KLHL29: variants seen among roughly 807,000 people sequenced by gnomAD.
The protein encoded by KLHL29 is kelch like family member 29.
Under a neutral mutation model 80.4 loss-of-function variants are expected in KLHL29, and 21 were observed. The observed-to-expected ratio is 0.26, with a 90% confidence interval of 0.19 to 0.38. The LOEUF (loss-of-function observed/expected upper bound fraction) is 0.38. Among genes scored for constraint, KLHL29 ranks in the 10% least tolerant of loss-of-function variants. The pLI, the probability that KLHL29 is intolerant of heterozygous loss-of-function variation, is 1.00. For synonymous variants in KLHL29, 511 were observed against 526.8 expected (o/e 0.97, Z 0.41); for missense variants, 867 against 1,223.9 (o/e 0.71, Z 4.35).
chr2:23,419,925 A>G (rs1455228207), intron 1 of KLHL29, among the ~76,000 whole-genome samples: 2 of 152,024 alleles, frequency 1.3e-5, no homozygotes, highest in Non-Finnish European at 2.9e-5. Flanking sequence ...GGCTGACTTC[A>G]CCACTCCCTT....
intron 1 of KLHL29, among the ~76,000 whole-genome samples, chr2:23,436,655 G>A (rs1334208063): frequency 6.6e-6 from 1 of 152,220 alleles, no homozygotes; most frequent in East Asian, 1.9e-4. Flanking sequence ...GATTCTGAGG[G>A]TCTCAGGTCA....
chr2:23,690,228 G>C (rs981391901), intron 6 of KLHL29: 1 of 152,258 alleles, frequency 6.6e-6, no homozygotes, highest in Non-Finnish European at 1.5e-5. Context: ...GAGTCTCGTG[G>C]GAAGGGCATT....
chr2:23,508,383 G>T (rs1327609319), intron 2 of KLHL29, among the ~76,000 whole-genome samples: 3 of 152,254 alleles, frequency 2.0e-5, no homozygotes, highest in African/African-American at 4.8e-5. Context: ...ATGGCTGGCA[G>T]TAATGCTGCC....
At chr2:23,654,708 G>A (rs1423173710) in intron 5 of KLHL29, among the ~76,000 whole-genome samples, 5 of 79,626 alleles carry the variant, frequency 6.3e-5, no homozygotes, top group African/African-American at 1.7e-4. Flanking sequence ...GGGGGGGGGG[G>A]TGGATGTTTT....
intron 5 of KLHL29, among the ~76,000 whole-genome samples, chr2:23,656,734 A>AG (rs11455301): frequency 0.024 from 3,600 of 152,138 alleles, 146 homozygotes; most frequent in African/African-American, 0.08. Flanking sequence ...AGCTGGGCGG[A>AG]GGTGAGGTGG....
intron 8 of KLHL29, 46 bp downstream of exon 8, chr2:23,693,574 C>G: frequency 6.6e-7 from 1 of 1,526,178 alleles, no homozygotes; most frequent in Non-Finnish European, 8.9e-7. Context: ...GGTTTGGGGT[C>G]CCCCTGCGGC....
chr2:23,663,875 G>A (rs1670485858), intron 5 of KLHL29, among the ~76,000 whole-genome samples: 2 of 152,166 alleles, frequency 1.3e-5, no homozygotes, highest in Admixed American at 1.3e-4. Context: ...CGGACACATC[G>A]CTTGTCGGTG....
At chr2:23,418,471 G>T (rs1662669808) in intron 1 of KLHL29, among the ~76,000 whole-genome samples, 1 of 152,190 alleles carries the variant, frequency 6.6e-6, no homozygotes, top group Non-Finnish European at 1.5e-5. Flanking sequence ...CAGTGCTTTG[G>T]TTTTGAAATG....
intron 5 of KLHL29, among the ~76,000 whole-genome samples, chr2:23,649,013 G>A (rs547116245): frequency 6.6e-6 from 1 of 152,322 alleles, no homozygotes; most frequent in South Asian, 2.1e-4. Flanking sequence ...CCAGTGCCTG[G>A]CACGTAGTAG....
chr2:23,550,253 G>A (rs1294963973), intron 2 of KLHL29, among the ~76,000 whole-genome samples: 2 of 152,130 alleles, frequency 1.3e-5, no homozygotes, highest in Non-Finnish European at 2.9e-5. Flanking sequence ...GGCATGCCTG[G>A]GGAATTGCTT....
chr2:23,474,772 T>A (rs6711196), intron 1 of KLHL29, among the ~76,000 whole-genome samples: 2,744 of 152,264 alleles, frequency 0.018, 51 homozygotes, highest in Middle Eastern at 0.044. Flanking sequence ...TTTCCCCTGC[T>A]ACCCGGGACT....
chr2:23,479,717 AG>A (rs1664735093), intron 2 of KLHL29, among the ~76,000 whole-genome samples: 1 of 152,054 alleles, frequency 6.6e-6, no homozygotes, highest in Non-Finnish European at 1.5e-5. Context: ...TTGCTCTCCA[AG>A]GAAGCCTTGT....
intron 3 of KLHL29, among the ~76,000 whole-genome samples, chr2:23,583,124 G>C (rs1008178072): frequency 6.6e-6 from 1 of 152,222 alleles, no homozygotes; most frequent in African/African-American, 2.4e-5. Context: ...TCCAGAGGGG[G>C]TGTGGCCCTG....
chr2:23,699,573 T>G (rs1367326121), intron 11 of KLHL29, among the ~76,000 whole-genome samples: 1 of 152,198 alleles, frequency 6.6e-6, no homozygotes, highest in Non-Finnish European at 1.5e-5. Context: ...CTGCCTCCTG[T>G]TGTCCTTTCT....
rs570315772 is a variant in KLHL29, at chr2:23,472,002, T to G, written c.-153-3558T>G. Among the ~76,000 whole-genome samples the G allele has an allele frequency of 2.0e-5, 3 of 152,188 alleles. No homozygotes were observed. In the South Asian group the frequency reaches 6.2e-4, roughly 32 times the overall value. ...CATGCTTAGGTGCATGGATGTAGCT[T>G]ATAGGCCTCCCAGAAAGGACAATAA... On this transcript the variant is annotated intron_variant, in intron 1 of 13. Transcript: ENST00000486442.
chr2:23,405,746 A>G (rs927079914), intron 1 of KLHL29, among the ~76,000 whole-genome samples: 1 of 152,226 alleles, frequency 6.6e-6, no homozygotes, highest in Non-Finnish European at 1.5e-5. Context: ...CCCAAGAGCT[A>G]CAATGCCGTT....
At chr2:23,656,944 A>C (rs1382804645) in intron 5 of KLHL29, among the ~76,000 whole-genome samples, 1 of 152,072 alleles carries the variant, frequency 6.6e-6, no homozygotes, top group Non-Finnish European at 1.5e-5. Context: ...AAAAAAAAAA[A>C]AAAAAAAACT....
intron 3 of KLHL29, among the ~76,000 whole-genome samples, chr2:23,606,623 C>G (rs1388070706): frequency 6.6e-6 from 1 of 152,214 alleles, no homozygotes. Flanking sequence ...AAATCATTCA[C>G]TGCTTGATGG....
intron 1 of KLHL29, among the ~76,000 whole-genome samples, chr2:23,404,310 A>G (rs1370695): frequency 1 from 152,017 of 152,296 alleles, 75,869 homozygotes; most frequent in East Asian, 1. Flanking sequence ...TCGTACAAAA[A>G]TTTAGAAAGG....
Sources: allele counts gnomAD v4.1 joint callset (sites outside exome capture counted in the v4.1 genomes callset), GRCh38; gene constraint gnomAD v4.1.1; transcripts MANE v1.5; gene names NCBI Gene and HGNC (gene_info 2026-07-23, HGNC 2026-07-21).